The following PCDH15 variants were observed in gnomAD, a reference collection of about 807,000 sequenced individuals.
The protein encoded by PCDH15 is protocadherin-15.
Under a neutral mutation model 178.5 loss-of-function variants are expected in PCDH15, and 129 were observed. The ratio of observed to expected loss-of-function variants is 0.72; its 90% CI spans 0.63 to 0.84. The LOEUF is 0.84. Ranked by LOEUF, PCDH15 falls within the 40% of genes least tolerant of loss-of-function variation. The pLI is 0.00. For synonymous variants in PCDH15, 800 were observed against 732.0 expected (o/e 1.09, Z -1.50); for missense variants, 2,230 against 2,099.9 (o/e 1.06, Z -1.21).
chr10:54,400,146 T>G (rs1951753422), intron 3 of PCDH15, among the ~76,000 whole-genome samples: 2 of 152,122 alleles, frequency 1.3e-5, no homozygotes, highest in South Asian at 4.1e-4. Flanking sequence ...AGAAGTCCTC[T>G]GTGTCTAATG....
intron 2 of PCDH15, among the ~76,000 whole-genome samples, chr10:55,143,186 T>C (rs1591937243): frequency 7.7e-6 from 1 of 129,944 alleles, no homozygotes. Flanking sequence ...CATATTGAAC[T>C]CTGAGTCAAT....
At chr10:54,853,187 T>A (rs1031690227) in intron 3 of PCDH15, among the ~76,000 whole-genome samples, 2 of 149,630 alleles carry the variant, frequency 1.3e-5, no homozygotes, top group Non-Finnish European at 3.0e-5. Context: ...TTAAACCTGG[T>A]TGGCGGAGGT....
chr10:53,844,478 C>CA lies in PCDH15; in HGVS notation c.3807-3983dup, dbSNP rs1564595787. Among the ~76,000 whole-genome samples the CA allele has an allele frequency of 2.0e-5, 3 of 151,766 alleles. No individual in the cohort carries two copies. In the East Asian group the frequency reaches 5.8e-4, roughly 29 times the overall value. ...TGACCAAAAAGAAAACACAAAAAAT[C>CA]AAGAAACAGAAAATTTGCTTTTTTG... On this transcript the variant is annotated intron_variant, in intron 28 of 37. Coordinates refer to ENST00000644397, the MANE Select transcript of PCDH15 (RefSeq NM_001384140.1).
At position 53,807,091 on chromosome 10, in the gene PCDH15, C is replaced by T. The variant is rs776833175; in HGVS notation, c.4711G>A (p.Glu1571Lys). 49 of 1,611,602 alleles carry T rather than the reference C, an allele frequency of 3.0e-5. No homozygotes were observed. Among genetic ancestry groups the T allele is most frequent in the Non-Finnish European group, 4.1e-5 (48 of 1,179,092 alleles). Residue 1571 changes from glutamate (E) to lysine (K), a missense_variant, in exon 38 of 38, where the codon GAG (glutamate) becomes AAG (lysine). Physicochemically the swap from Glu to Lys is moderately conservative, Grantham distance 56. Transcript: ENST00000644397. ...TCTCCAGTTGAGCTGGTTTCATACT[C>T]TCGATCAACAACTAACTTGATCATT... ...KRMIKLVVDREYETSSTGEDS... is the reference protein window; with the variant it reads ...KRMIKLVVDRKYETSSTGEDS...
At chr10:54,025,655 T>C (rs2093061867) in intron 18 of PCDH15, among the ~76,000 whole-genome samples, 1 of 152,024 alleles carries the variant, frequency 6.6e-6, no homozygotes, top group Non-Finnish European at 1.5e-5. Context: ...CCTGTCACCA[T>C]GCCCAGCTAA....
chr10:54,829,808 G>C (rs953641274), intron 3 of PCDH15, among the ~76,000 whole-genome samples: 2 of 152,184 alleles, frequency 1.3e-5, no homozygotes, highest in East Asian at 1.9e-4. Context: ...ATTCTCAAAA[G>C]CATGAAATGT....
chr10:54,766,933 A>AAAAC (rs1358691078), intron 1 of PCDH15, among the ~76,000 whole-genome samples: 2 of 145,212 alleles, frequency 1.4e-5, no homozygotes, highest in East Asian at 4.1e-4. Flanking sequence ...CCATCTCAAA[A>AAAAC]AAACAAAAAA....
chr10:55,054,804 T>C (rs1043115789), intron 2 of PCDH15, among the ~76,000 whole-genome samples: 2 of 152,204 alleles, frequency 1.3e-5, no homozygotes, highest in Non-Finnish European at 2.9e-5. Flanking sequence ...GTTGGCCACA[T>C]ATATGGTTTC....
chr10:55,566,021 T>A (rs1282407391), intron 2 of PCDH15, among the ~76,000 whole-genome samples: 2 of 151,636 alleles, frequency 1.3e-5, no homozygotes, highest in African/African-American at 4.8e-5. Context: ...AGACGTATCC[T>A]TTATAAACAC....
At chr10:54,159,970 A>C (rs1359526189) in intron 13 of PCDH15, among the ~76,000 whole-genome samples, 2 of 152,296 alleles carry the variant, frequency 1.3e-5, no homozygotes, top group African/African-American at 4.8e-5. Context: ...TAAGATGAGA[A>C]CTTTCACATT....
chr10:55,165,406 A>T (rs1289804835), intron 2 of PCDH15, among the ~76,000 whole-genome samples: 1 of 151,954 alleles, frequency 6.6e-6, no homozygotes, highest in East Asian at 1.9e-4. Flanking sequence ...GACCTATAGC[A>T]CTTTTAAAAC....
chr10:55,237,793 T>C (rs1467175250), intron 1 of PCDH15, among the ~76,000 whole-genome samples: 1 of 151,986 alleles, frequency 6.6e-6, no homozygotes, highest in Non-Finnish European at 1.5e-5. Flanking sequence ...ATGCATTCTG[T>C]AGATATTTAA....
At chr10:53,907,439 T>C (rs953078595) in intron 25 of PCDH15, among the ~76,000 whole-genome samples, 1 of 152,188 alleles carries the variant, frequency 6.6e-6, no homozygotes, top group Non-Finnish European at 1.5e-5. Flanking sequence ...CCCTTCTGGC[T>C]CATCTAAACA....
intron 14 of PCDH15, among the ~76,000 whole-genome samples, chr10:54,146,918 T>A (rs571213614): frequency 9.0e-4 from 131 of 144,996 alleles, no homozygotes; most frequent in Non-Finnish European, 1.7e-3. Context: ...TGTATATATA[T>A]AGTGTATATA....
intron 3 of PCDH15, among the ~76,000 whole-genome samples, chr10:54,523,580 A>G (rs567786542): frequency 2.6e-5 from 4 of 152,334 alleles, no homozygotes; most frequent in South Asian, 4.1e-4. Flanking sequence ...GTTGAATTAC[A>G]TAAGTAATTC....
intron 2 of PCDH15, among the ~76,000 whole-genome samples, chr10:55,040,517 CAACAACAAA>C (rs1441452547): frequency 6.6e-6 from 1 of 150,982 alleles, no homozygotes; most frequent in African/African-American, 2.4e-5. Context: ...ACAACAACAA[CAACAACAAA>C]AACACAGGAG....
intron 2 of PCDH15, among the ~76,000 whole-genome samples, chr10:55,399,074 T>C (rs1198116766): frequency 2.0e-5 from 3 of 152,176 alleles, no homozygotes; most frequent in African/African-American, 7.2e-5. Flanking sequence ...ATGATTTTAA[T>C]TTTAATTTTT....
intron 2 of PCDH15, among the ~76,000 whole-genome samples, chr10:54,581,601 A>T (rs753764640): frequency 2.0e-5 from 3 of 152,116 alleles, no homozygotes; most frequent in Admixed American, 6.6e-5. Context: ...AGAACAAAAA[A>T]TAGCCTGAAT....
intron 1 of PCDH15, among the ~76,000 whole-genome samples, chr10:54,679,864 C>G (rs1297362458): frequency 6.6e-6 from 1 of 152,052 alleles, no homozygotes; most frequent in Non-Finnish European, 1.5e-5. Flanking sequence ...CTCATTTTTT[C>G]CAATAGCTTG....
Sources: gnomAD v4.1 joint callset for allele counts (sites outside exome capture counted in the v4.1 genomes callset) on GRCh38, gnomAD v4.1.1 for gene constraint, MANE v1.5 for transcripts, NCBI Gene and HGNC (gene_info 2026-07-23, HGNC 2026-07-21) for gene names.